Variants in THSD4 observed in about 807,000 individuals in gnomAD.
THSD4 encodes the protein thrombospondin type 1 domain containing 4.
Under a neutral mutation model 119.0 loss-of-function variants are expected in THSD4, and 69 were observed. The ratio of observed to expected loss-of-function variants is 0.58; its 90% CI spans 0.48 to 0.71. THSD4 has a LOEUF of 0.71. Among genes scored for constraint, THSD4 ranks in the 30% least tolerant of loss-of-function variants. THSD4 has a pLI of 0.00. For synonymous variants in THSD4, 524 were observed against 540.4 expected (o/e 0.97, Z 0.42); for missense variants, 1,393 against 1,391.1 (o/e 1.00, Z -0.02).
intron 7 of THSD4, among the ~76,000 whole-genome samples, chr15:71,434,897 C>T (rs2046991436): frequency 6.6e-6 from 1 of 152,144 alleles, no homozygotes; most frequent in South Asian, 2.1e-4. Flanking sequence ...TCAGGTGATT[C>T]TGAATGCAAA....
chr15:71,701,306 T>G (rs1469939202), intron 8 of THSD4, among the ~76,000 whole-genome samples: 1 of 152,230 alleles, frequency 6.6e-6, no homozygotes, highest in African/African-American at 2.4e-5. Context: ...TTCAGATTGT[T>G]ACAGTGGGGT....
chr15:71,779,944 T>C lies in THSD4; in HGVS notation c.*2570T>C, dbSNP rs2053973070. 6.6e-6 allele frequency: 1 copy of C among 152,026 alleles called. No individual in the cohort carries two copies. The allele number at this position is 152,026 out of a possible 1,614,324, so 9.4% of individuals were successfully genotyped here. A position where few individuals can be genotyped will look rare whatever the true frequency, so the allele number is the denominator to read the frequency against. On this transcript the variant is annotated 3_prime_UTR_variant, in exon 18 of 18. Transcript: ENST00000261862. The stretch of plus-strand genomic sequence containing the variant: ...TTGATTATTATTATAGTTTGATCAA[T>C]TTATTTGTCTTAGAGATCCAATTTT...
intron 7 of THSD4, among the ~76,000 whole-genome samples, chr15:71,546,573 G>A (rs2048841105): frequency 1.3e-5 from 2 of 152,082 alleles, no homozygotes; most frequent in South Asian, 4.2e-4. Flanking sequence ...CTGACACTTG[G>A]GATTCACTTG....
Position 71,669,955 on chromosome 15 carries a change from A to G in THSD4, c.1357+9221A>G, listed in dbSNP as rs180728990. On this transcript the variant is annotated intron_variant, in intron 8 of 17. Transcript: ENST00000261862. ...CCCTGCTTTATCTCAAGACTCCAATATGTATCAGTGACTGCTTAACAAACC... is the reference window on the plus strand; with the variant it reads ...CCCTGCTTTATCTCAAGACTCCAATGTGTATCAGTGACTGCTTAACAAACC... 1.7e-4 allele frequency among the ~76,000 whole-genome samples: 26 copies of G among 152,308 alleles called. No homozygotes were observed. The East Asian group carries it at 3.5e-3, about 20-fold the overall frequency.
intron 6 of THSD4, among the ~76,000 whole-genome samples, chr15:71,409,841 AG>A (rs1423765296): frequency 6.6e-6 from 1 of 151,906 alleles, no homozygotes; most frequent in Non-Finnish European, 1.5e-5. Context: ...AGCCTGTTCT[AG>A]GCTGTCTATG....
chr15:71,314,831 A>C (rs1049814987), intron 6 of THSD4, among the ~76,000 whole-genome samples: 5 of 152,226 alleles, frequency 3.3e-5, no homozygotes, highest in African/African-American at 1.2e-4. Context: ...CCATTACTTT[A>C]AAAATATTTC....
At chr15:71,683,302 GA>G (rs564030368) in intron 8 of THSD4, among the ~76,000 whole-genome samples, 28 of 148,206 alleles carry the variant, frequency 1.9e-4, no homozygotes, top group East Asian at 1.4e-3. Flanking sequence ...CATATGTAAG[GA>G]AAAAAAAAAT....
Position 71,778,906 on chromosome 15 carries a change from G to GA in THSD4, c.*1538dup. On this transcript the variant is annotated 3_prime_UTR_variant, in exon 18 of 18. Coordinates refer to ENST00000261862, the MANE Select transcript of THSD4 (RefSeq NM_024817.3). ...AATATATGTATGTTTTACCCATTAAGAAAAAATGGCAAGCTAAACAAATGT... is the reference window on the plus strand; with the variant it reads ...AATATATGTATGTTTTACCCATTAAGAAAAAAATGGCAAGCTAAACAAATGT... The GA allele has an allele frequency of 6.6e-6, 1 of 152,336 alleles. No homozygotes were observed. Among genetic ancestry groups the GA allele is most frequent in the South Asian group, 2.1e-4 (1 of 4,830 alleles). The allele number at this position is 152,336 out of a possible 1,614,324, so 9.4% of individuals were successfully genotyped here.
At chr15:71,717,099 C>T (rs1187795808) in intron 8 of THSD4, among the ~76,000 whole-genome samples, 2 of 152,214 alleles carry the variant, frequency 1.3e-5, no homozygotes, top group Non-Finnish European at 1.5e-5. Flanking sequence ...TACTTTTCCT[C>T]TTCCTAGTGA....
intron 7 of THSD4, among the ~76,000 whole-genome samples, chr15:71,533,641 A>C (rs2140820951): frequency 6.6e-6 from 1 of 152,326 alleles, no homozygotes; most frequent in Non-Finnish European, 1.5e-5. Flanking sequence ...GTGTTCGTTG[A>C]AAATGTATGC....
chr15:71,313,734 C>A (rs551605761), intron 6 of THSD4, among the ~76,000 whole-genome samples: 5 of 152,048 alleles, frequency 3.3e-5, no homozygotes, highest in Admixed American at 6.5e-5. Context: ...TCATACTTAC[C>A]CCTCCCCAGA....
At chr15:71,244,241 G>A (rs558371194) in intron 5 of THSD4, among the ~76,000 whole-genome samples, 4 of 152,266 alleles carry the variant, frequency 2.6e-5, no homozygotes, top group African/African-American at 7.2e-5. Context: ...ATTGTATATG[G>A]TGACCAAAGG....
At chr15:71,371,268 G>A (rs922081420) in intron 6 of THSD4, among the ~76,000 whole-genome samples, 3 of 152,108 alleles carry the variant, frequency 2.0e-5, no homozygotes, top group African/African-American at 7.2e-5. Context: ...GTAGCATTTA[G>A]CCCATTTACA....
chr15:71,694,405 A>G (rs1186130692), intron 8 of THSD4, among the ~76,000 whole-genome samples: 1 of 152,192 alleles, frequency 6.6e-6, no homozygotes, highest in African/African-American at 2.4e-5. Context: ...TTCAAGTATG[A>G]CTCTGGGTCA....
rs1566968379 is a variant in THSD4, at chr15:71,395,954, A to ACACAC, written c.1016-15733_1016-15732insCACAC. 4.9e-3 allele frequency among the ~76,000 whole-genome samples: 529 copies of ACACAC among 108,668 alleles called. 5 individuals carry two copies. The highest frequency in any genetic ancestry group is 0.024 in the Middle Eastern group (5 of 212). The allele number at this position is 108,668 out of a possible 152,430, so 71.3% of individuals were successfully genotyped here. A position where few individuals can be genotyped will look rare whatever the true frequency, so the allele number is the denominator to read the frequency against. Reference sequence around the variant, plus strand: ...ACACACACACACACACACACACACAAACACAGACTTTGTTGAGCACATGGC... The same window carrying ACACAC: ...ACACACACACACACACACACACACAACACACACACAGACTTTGTTGAGCACATGGC... On this transcript the variant is annotated intron_variant, in intron 6 of 17. Transcript: ENST00000261862.
At chr15:71,408,639 AC>A (rs1205875614) in intron 6 of THSD4, among the ~76,000 whole-genome samples, 2 of 152,018 alleles carry the variant, frequency 1.3e-5, no homozygotes, top group East Asian at 3.9e-4. Context: ...ATCACTTGAG[AC>A]CAGGAGTTTG....
At chr15:71,608,660 G>A (rs147536888) in intron 7 of THSD4, among the ~76,000 whole-genome samples, 3 of 152,238 alleles carry the variant, frequency 2.0e-5, no homozygotes, top group African/African-American at 7.2e-5. Flanking sequence ...GAGGCCATGA[G>A]CATTTTAAGT....
At chr15:71,748,854 G>A (rs1004001136) in intron 14 of THSD4, among the ~76,000 whole-genome samples, 12 of 152,214 alleles carry the variant, frequency 7.9e-5, no homozygotes, top group Non-Finnish European at 2.9e-5. Context: ...ACTAGGTGAA[G>A]TGAATCATTA....
intron 3 of THSD4, among the ~76,000 whole-genome samples, chr15:71,162,702 C>T (rs543134240): frequency 8.5e-5 from 13 of 152,100 alleles, no homozygotes; most frequent in Admixed American, 3.9e-4. Flanking sequence ...TTGTTGTTGT[C>T]GTTAAATAGA....
Sources: gnomAD v4.1 joint callset for allele counts (sites outside exome capture counted in the v4.1 genomes callset) on GRCh38, gnomAD v4.1.1 for gene constraint, MANE v1.5 for transcripts, NCBI Gene and HGNC (gene_info 2026-07-23, HGNC 2026-07-21) for gene names.